The following TMEM117 variants were observed in gnomAD, a reference collection of about 807,000 sequenced individuals.
TMEM117 encodes the protein transmembrane protein 117.
A neutral mutation model predicts 52.4 loss-of-function variants in TMEM117; 27 were observed. That is an observed-to-expected ratio of 0.51 (90% CI 0.38 to 0.71). The LOEUF is 0.71. Among genes scored for constraint, TMEM117 ranks in the 30% least tolerant of loss-of-function variants. The pLI is 0.00. For synonymous variants in TMEM117, 215 were observed against 206.3 expected (o/e 1.04, Z -0.36); for missense variants, 556 against 630.5 (o/e 0.88, Z 1.26).
At chr12:44,024,059 G>A (rs969135280) in intron 3 of TMEM117, among the ~76,000 whole-genome samples, 1 of 152,154 alleles carries the variant, frequency 6.6e-6, no homozygotes, top group African/African-American at 2.4e-5. Context: ...AAGACAGGAA[G>A]CCCTTTTCAG....
the TMEM117 span, among the ~76,000 whole-genome samples, chr12:43,798,918 T>G: frequency 6.6e-6 from 1 of 152,082 alleles, no homozygotes; most frequent in Non-Finnish European, 1.5e-5. Flanking sequence ...TGGCTGAAAT[T>G]TATTGACTCT....
intron 5 of TMEM117, among the ~76,000 whole-genome samples, chr12:44,265,270 G>T (rs1279909228): frequency 1.3e-5 from 2 of 152,144 alleles, no homozygotes; most frequent in Non-Finnish European, 2.9e-5. Context: ...GAGTGAAAAT[G>T]GTACCACATG....
chr12:43,995,034 T>C (rs112228728), intron 3 of TMEM117, among the ~76,000 whole-genome samples: 2,481 of 152,166 alleles, frequency 0.016, 77 homozygotes, highest in African/African-American at 0.057. Flanking sequence ...CCCAGCACTT[T>C]GGGAGGCTGA....
chr12:44,040,269 A>G (rs1047036260), intron 3 of TMEM117, among the ~76,000 whole-genome samples: 4 of 152,094 alleles, frequency 2.6e-5, no homozygotes, highest in Non-Finnish European at 5.9e-5. Context: ...ATAAGTTTAT[A>G]TAATTTAATT....
chr12:44,085,285 G>C (rs1947548387), intron 3 of TMEM117, among the ~76,000 whole-genome samples: 1 of 151,900 alleles, frequency 6.6e-6, no homozygotes, highest in Admixed American at 6.6e-5. Context: ...GTCTAGAAAT[G>C]TGCTTTACAT....
At chr12:43,960,786 C>T (rs1945390336) in intron 3 of TMEM117, among the ~76,000 whole-genome samples, 1 of 152,082 alleles carries the variant, frequency 6.6e-6, no homozygotes, top group Non-Finnish European at 1.5e-5. Flanking sequence ...AAACGTTAGA[C>T]AGTTTTCTCA....
chr12:43,965,486 AGT>A (rs1945469547), intron 3 of TMEM117, among the ~76,000 whole-genome samples: 1 of 152,164 alleles, frequency 6.6e-6, no homozygotes, highest in Non-Finnish European at 1.5e-5. Flanking sequence ...TCTCTCTTAG[AGT>A]TACCCAGAAA....
intron 5 of TMEM117, among the ~76,000 whole-genome samples, chr12:44,269,710 T>C (rs886646806): frequency 2.0e-5 from 3 of 152,072 alleles, no homozygotes; most frequent in African/African-American, 7.2e-5. Flanking sequence ...ATTTATATTA[T>C]GTTATATTTT....
At chr12:43,948,709 T>C (rs992041851) in intron 3 of TMEM117, among the ~76,000 whole-genome samples, 62 of 152,330 alleles carry the variant, frequency 4.1e-4, no homozygotes, top group Non-Finnish European at 8.1e-4. Flanking sequence ...TCTTTTTTTT[T>C]ACAAGGTGGC....
chr12:44,039,497 G>A (rs929346756), intron 3 of TMEM117, among the ~76,000 whole-genome samples: 14 of 151,476 alleles, frequency 9.2e-5, no homozygotes, highest in Non-Finnish European at 1.9e-4. Flanking sequence ...TGTAAATTTT[G>A]GAATTAGATG....
chr12:43,937,598 T>C (rs1336559488), intron 2 of TMEM117, among the ~76,000 whole-genome samples: 1 of 152,102 alleles, frequency 6.6e-6, no homozygotes, highest in East Asian at 1.9e-4. Flanking sequence ...AGGAGGTGGC[T>C]TATAGATGGG....
intron 3 of TMEM117, among the ~76,000 whole-genome samples, chr12:44,039,210 T>TA (rs1946759397): frequency 6.6e-6 from 1 of 152,138 alleles, no homozygotes; most frequent in South Asian, 2.1e-4. Flanking sequence ...AGACACTAGT[T>TA]ATAATAGCCT....
rs142524885 is a variant in TMEM117 at position 43,972,679 on chromosome 12, C to T, written c.410+28337C>T. ...GGTAGCCACAGAGTGCTGATTGGTG[C>T]GTTTTTACAGAGCACAGATTGGTGG... On this transcript the variant is annotated intron_variant, in intron 3 of 7. Transcript: ENST00000266534. 7.5e-3 allele frequency among the ~76,000 whole-genome samples: 1,139 copies of T among 152,210 alleles called. 21 individuals carry two copies. The highest frequency in any genetic ancestry group is 0.027 in the African/African-American group (1,103 of 41,532).
chr12:43,905,038 G>T (rs77348136), intron 2 of TMEM117, among the ~76,000 whole-genome samples: 7 of 152,102 alleles, frequency 4.6e-5, no homozygotes, highest in Non-Finnish European at 8.8e-5. Context: ...AGCTACTTGG[G>T]AGGCTGAGGC....
rs149373114 is a variant in TMEM117, at chr12:43,867,581, A to G, written c.277+22653A>G. On this transcript the variant is annotated intron_variant, in intron 2 of 7. Coordinates refer to ENST00000266534, the MANE Select transcript of TMEM117 (RefSeq NM_032256.3). ...TGATCCAAGTATATAGTGTTTATAA[A>G]TGATGTATTTTAAATATAACAACAG... Among the ~76,000 whole-genome samples the G allele has an allele frequency of 2.6e-3, 401 of 151,902 alleles. 2 individuals are homozygous for G. Among genetic ancestry groups the G allele is most frequent in the Non-Finnish European group, 4.4e-3 (299 of 68,012 alleles).
At chr12:44,209,531 T>C (rs538759300) in intron 4 of TMEM117, among the ~76,000 whole-genome samples, 55 of 152,266 alleles carry the variant, frequency 3.6e-4, no homozygotes, top group South Asian at 1.0e-3. Context: ...ATTTATATAG[T>C]GATTGACAGT....
At chr12:43,866,961 A>G (rs1303224224) in intron 2 of TMEM117, among the ~76,000 whole-genome samples, 4 of 152,094 alleles carry the variant, frequency 2.6e-5, no homozygotes, top group Admixed American at 6.6e-5. Context: ...GTGGTGGTGC[A>G]TGCCTGTGAT....
Position 43,944,307 on chromosome 12 carries a change from A to G in TMEM117, c.375A>G (p.Ile125Met), listed in dbSNP as rs770805835. 3.4e-5 allele frequency: 55 copies of G among 1,612,642 alleles called. No homozygotes were observed. Among genetic ancestry groups the G allele is most frequent in the Non-Finnish European group, 4.1e-5 (48 of 1,179,018 alleles). The change falls in exon 3 of 8, where the codon ATA becomes ATG. Residue 125 changes from isoleucine (I) to methionine (M), a missense_variant. Physicochemically the swap from Ile to Met is conservative, Grantham distance 10 (BLOSUM62 1). Transcript: ENST00000266534. Reference protein sequence around the residue: ...TILFLFIFSHIYNTILLMDGN... With the variant: ...TILFLFIFSHMYNTILLMDGN... ...TCTTTCTCTTCATATTTTCTCACAT[A>G]TACAACACGATTCTTCTAATGGATG...
intron 5 of TMEM117, among the ~76,000 whole-genome samples, chr12:44,280,325 C>T (rs1470337772): frequency 6.6e-6 from 1 of 152,126 alleles, no homozygotes; most frequent in East Asian, 1.9e-4. Context: ...TTAATTGTTT[C>T]ACAGTTCTTT....
Sources: allele counts gnomAD v4.1 joint callset (sites outside exome capture counted in the v4.1 genomes callset), GRCh38; gene constraint gnomAD v4.1.1; transcripts MANE v1.5; gene names NCBI Gene and HGNC (gene_info 2026-07-23, HGNC 2026-07-21).